The following PPARGC1A variants were observed in gnomAD, a reference collection of about 807,000 sequenced individuals.
The protein encoded by PPARGC1A is peroxisome proliferator-activated receptor gamma coactivator 1-alpha.
A neutral mutation model predicts 88.7 loss-of-function variants in PPARGC1A; 25 were observed. That is an observed-to-expected ratio of 0.28 (90% CI 0.21 to 0.39). The LOEUF is 0.39. Among genes scored for constraint, PPARGC1A ranks in the 10% least tolerant of loss-of-function variants. The pLI is 1.00. For synonymous variants in PPARGC1A, 363 were observed against 355.6 expected (o/e 1.02, Z -0.24); for missense variants, 880 against 968.7 (o/e 0.91, Z 1.22).
chr4:23,914,529 C>T, the PPARGC1A span, among the ~76,000 whole-genome samples: 1 of 152,202 alleles, frequency 6.6e-6, no homozygotes, highest in South Asian at 2.1e-4. Context: ...AAACACACCA[C>T]CTCTAAAACT....
chr4:24,115,193 A>G, the PPARGC1A span, among the ~76,000 whole-genome samples: 1 of 152,246 alleles, frequency 6.6e-6, no homozygotes, highest in Non-Finnish European at 1.5e-5. Context: ...TAACAGCCTC[A>G]GAAAGAAATG....
chr4:24,264,287 C>T, the PPARGC1A span, among the ~76,000 whole-genome samples: 16 of 152,250 alleles, frequency 1.1e-4, 1 homozygote, highest in African/African-American at 3.9e-4. Flanking sequence ...TGTGTACACA[C>T]ACATCACACA....
chr4:24,387,912 A>AAAAGAAAG, the PPARGC1A span, among the ~76,000 whole-genome samples: 2 of 11,868 alleles, frequency 1.7e-4, no homozygotes, highest in African/African-American at 1.9e-4. Context: ...AAGAGAAAGA[A>AAAAGAAAG]AGAAAGAAAG....
At chr4:23,938,969 T>A in the PPARGC1A span, among the ~76,000 whole-genome samples, 2 of 152,204 alleles carry the variant, frequency 1.3e-5, no homozygotes, top group Non-Finnish European at 2.9e-5. Flanking sequence ...CCTCCACAGC[T>A]GCTCTTGCTC....
the PPARGC1A span, among the ~76,000 whole-genome samples, chr4:24,472,230 T>C: frequency 2.6e-5 from 4 of 151,970 alleles, no homozygotes; most frequent in East Asian, 7.8e-4. The surrounding 1 kb of genome is among the most constrained non-coding windows in gnomAD (Gnocchi z 4.5). Context: ...CTCTCGCCGG[T>C]TGGCGCTGAC....
the PPARGC1A span, among the ~76,000 whole-genome samples, chr4:24,229,243 T>A: frequency 1.4e-5 from 2 of 140,066 alleles, no homozygotes; most frequent in African/African-American, 5.3e-5. Flanking sequence ...AACCTCCACC[T>A]CCCGGGTTCA....
chr4:24,426,152 A>C, the PPARGC1A span, among the ~76,000 whole-genome samples: 8 of 152,194 alleles, frequency 5.3e-5, no homozygotes, highest in Non-Finnish European at 1.2e-4. Context: ...CTTCTTACAG[A>C]AGAAGGTAGA....
At chr4:24,238,741 G>GTA in the PPARGC1A span, among the ~76,000 whole-genome samples, 1 of 116,174 alleles carries the variant, frequency 8.6e-6, no homozygotes, top group East Asian at 3.0e-4. Context: ...ATCCAAGGTT[G>GTA]TATATGTGTG....
chr4:23,936,476 C>T, the PPARGC1A span, among the ~76,000 whole-genome samples: 1 of 152,158 alleles, frequency 6.6e-6, no homozygotes, highest in East Asian at 1.9e-4. Flanking sequence ...GTGGCTCACG[C>T]ATGTAATCCC....
the PPARGC1A span, among the ~76,000 whole-genome samples, chr4:24,042,607 C>T: frequency 2.0e-5 from 3 of 152,158 alleles, no homozygotes; most frequent in African/African-American, 7.2e-5. Flanking sequence ...GCAATAGATA[C>T]CGGACCACAT....
chr4:23,975,265 A>G, the PPARGC1A span, among the ~76,000 whole-genome samples: 1 of 152,180 alleles, frequency 6.6e-6, no homozygotes. Context: ...TGTTGTAACA[A>G]TAATAATCCC....
At chr4:23,798,535 TAATAC>T (rs1032124173) in intron 12 of PPARGC1A, among the ~76,000 whole-genome samples, 55 of 152,218 alleles carry the variant, frequency 3.6e-4, no homozygotes, top group African/African-American at 1.3e-3. Flanking sequence ...AGAATACTGA[TAATAC>T]AATACATTCA....
the PPARGC1A span, among the ~76,000 whole-genome samples, chr4:24,452,287 A>T: frequency 6.8e-6 from 1 of 147,236 alleles, no homozygotes; most frequent in Non-Finnish European, 1.5e-5. Flanking sequence ...ACACACGCAC[A>T]CATGCACCCT....
the PPARGC1A span, among the ~76,000 whole-genome samples, chr4:24,120,271 C>G: frequency 0.041 from 6,190 of 152,102 alleles, 366 homozygotes; most frequent in African/African-American, 0.12. Context: ...AGGAGCTAAG[C>G]CCCCAGACAC....
the PPARGC1A span, among the ~76,000 whole-genome samples, chr4:24,420,952 G>C: frequency 6.6e-6 from 1 of 152,158 alleles, no homozygotes; most frequent in Non-Finnish European, 1.5e-5. Flanking sequence ...GTCCTCATAT[G>C]GCAGAAAATG....
At chr4:24,173,736 G>A in the PPARGC1A span, among the ~76,000 whole-genome samples, 1 of 152,200 alleles carries the variant, frequency 6.6e-6, no homozygotes, top group East Asian at 1.9e-4. Flanking sequence ...TCTTGAGCAA[G>A]TTACATAACC....
chr4:24,112,294 C>T, the PPARGC1A span, among the ~76,000 whole-genome samples: 65 of 152,300 alleles, frequency 4.3e-4, no homozygotes, highest in Middle Eastern at 3.4e-3. Flanking sequence ...TTCTTAGCTT[C>T]AGATAGTTAT....
chr4:24,407,770 T>C, the PPARGC1A span, among the ~76,000 whole-genome samples: 2 of 152,218 alleles, frequency 1.3e-5, no homozygotes, highest in Non-Finnish European at 2.9e-5. Flanking sequence ...GTAGTACCTC[T>C]TTTATTGGGT....
chr4:24,067,194 C>T, the PPARGC1A span, among the ~76,000 whole-genome samples: 1 of 152,094 alleles, frequency 6.6e-6, no homozygotes, highest in Non-Finnish European at 1.5e-5. Flanking sequence ...CCATTAATCT[C>T]ACATTTATCA....
Sources: gnomAD v4.1 joint callset for allele counts (sites outside exome capture counted in the v4.1 genomes callset) on GRCh38, gnomAD v4.1.1 for gene constraint, Gnocchi (gnomAD v3.1) non-coding constraint, MANE v1.5 for transcripts, NCBI Gene and HGNC (gene_info 2026-07-23, HGNC 2026-07-21) for gene names.